Variants in NALF1 observed in about 807,000 individuals in gnomAD.
NALF1 encodes the protein family with sequence similarity 155 member A.
Under a neutral mutation model 48.4 loss-of-function variants are expected in NALF1, and 3 were observed. The ratio of observed to expected loss-of-function variants is 0.06; its 90% CI spans 0.03 to 0.16. NALF1 has a LOEUF of 0.16. Ranked by LOEUF, NALF1 falls within the 10% of genes least tolerant of loss-of-function variation. The probability of loss-of-function intolerance (pLI) is 1.00; values close to 1 mark genes in which losing one functional copy is unlikely to be tolerated. For synonymous variants in NALF1, 262 were observed against 245.7 expected, an observed-to-expected ratio of 1.07 and a Z score of -0.62; for missense variants, 526 against 571.5, an observed-to-expected ratio of 0.92 and a Z score of 0.81.
At chr13:107,432,801 A>C (rs1321042564) in intron 1 of NALF1, among the ~76,000 whole-genome samples, 1 of 152,132 alleles carries the variant, frequency 6.6e-6, no homozygotes, top group African/African-American at 2.4e-5. Context: ...AATTTCAATA[A>C]TTTGCCCATT....
chr13:107,851,061 A>G (rs1210908296), intron 1 of NALF1, among the ~76,000 whole-genome samples: 1 of 152,196 alleles, frequency 6.6e-6, no homozygotes, highest in Non-Finnish European at 1.5e-5. Context: ...TGTAGTGTGT[A>G]GTAAAGGAAA....
At chr13:107,646,530 C>T (rs1175450602) in intron 1 of NALF1, among the ~76,000 whole-genome samples, 1 of 152,066 alleles carries the variant, frequency 6.6e-6, no homozygotes, top group African/African-American at 2.4e-5. Context: ...GGTAAAACGA[C>T]CAGTGACTCA....
chr13:107,441,582 T>C (rs924580132), intron 1 of NALF1, among the ~76,000 whole-genome samples: 1 of 152,180 alleles, frequency 6.6e-6, no homozygotes. Context: ...AGTGGAAGGC[T>C]AGAAATTCCA....
At chr13:107,753,654 T>G (rs1437911295) in intron 1 of NALF1, among the ~76,000 whole-genome samples, 1 of 152,204 alleles carries the variant, frequency 6.6e-6, no homozygotes, top group Non-Finnish European at 1.5e-5. Context: ...CACAGAATAC[T>G]TTCTGCATGG....
At chr13:107,753,191 T>C (rs540757634) in intron 1 of NALF1, among the ~76,000 whole-genome samples, 1 of 152,334 alleles carries the variant, frequency 6.6e-6, no homozygotes, top group Admixed American at 6.5e-5. Flanking sequence ...TGTCCACTCA[T>C]CCACAGGCCT....
intron 2 of NALF1, among the ~76,000 whole-genome samples, chr13:107,200,526 TC>T (rs1490277675): frequency 2.0e-5 from 3 of 152,198 alleles, no homozygotes; most frequent in Admixed American, 1.3e-4. Flanking sequence ...CTTTCATCCG[TC>T]TCTACTTCTT....
intron 1 of NALF1, among the ~76,000 whole-genome samples, chr13:107,819,237 G>A (rs963894009): frequency 5.3e-5 from 8 of 152,094 alleles, no homozygotes; most frequent in Non-Finnish European, 1.2e-4. Context: ...TTTCATTAGA[G>A]CATAAGTAAT....
intron 2 of NALF1, among the ~76,000 whole-genome samples, chr13:107,208,389 A>G (rs1879687788): frequency 6.6e-6 from 1 of 152,206 alleles, no homozygotes; most frequent in Admixed American, 6.5e-5. Flanking sequence ...AAAACTGCAG[A>G]CTGGATTCTC....
At chr13:107,770,457 T>C (rs773757526) in intron 1 of NALF1, among the ~76,000 whole-genome samples, 5 of 152,190 alleles carry the variant, frequency 3.3e-5, no homozygotes, top group Non-Finnish European at 7.3e-5. Context: ...TCATAGAATA[T>C]AGAAATGTAA....
chr13:107,170,485 C>CT lies in NALF1; in HGVS notation c.*11dup. 6.3e-7 allele frequency: 1 copy of CT among 1,578,740 alleles called. No individual in the cohort carries two copies. Among genetic ancestry groups the CT allele is most frequent in the Non-Finnish European group, 8.6e-7 (1 of 1,161,250 alleles). On this transcript the variant is annotated 3_prime_UTR_variant, in exon 3 of 3. Transcript: ENST00000375915. ...CGGGCCAGCTGCTGCTGTGGTGACA[C>CT]TCGTCCTTCCGTTACTCCTCATTGG...
At chr13:107,552,765 G>A (rs1179458525) in intron 1 of NALF1, among the ~76,000 whole-genome samples, 2 of 152,130 alleles carry the variant, frequency 1.3e-5, no homozygotes, top group Non-Finnish European at 2.9e-5. Flanking sequence ...AGTGGTGCAA[G>A]TTTTTTATTG....
chr13:107,334,565 G>GA (rs1217016313), intron 1 of NALF1, among the ~76,000 whole-genome samples: 4 of 152,094 alleles, frequency 2.6e-5, no homozygotes, highest in Non-Finnish European at 5.9e-5. Context: ...TTTCAACAAT[G>GA]AAAAGTGAAA....
intron 1 of NALF1, among the ~76,000 whole-genome samples, chr13:107,783,548 G>A (rs1877984255): frequency 6.6e-6 from 1 of 152,166 alleles, no homozygotes; most frequent in African/African-American, 2.4e-5. Context: ...GGATCCTGTT[G>A]ATCTGTGACC....
At chr13:107,173,225 C>T in intron 2 of NALF1, among the ~76,000 whole-genome samples, 1 of 152,028 alleles carries the variant, frequency 6.6e-6, no homozygotes, top group African/African-American at 2.4e-5. Context: ...CTGTAGATTC[C>T]CCTCAGGAAG....
At position 107,449,009 on chromosome 13, in the gene NALF1, C is replaced by T. The variant is rs574577905; in HGVS notation, c.916-238254G>A. The stretch of plus-strand genomic sequence containing the variant: ...CTGTAATCCCAGCACTTTGGGAGGC[C>T]GAGGCGGGCGGATCAAATGAGGTCA... On this transcript the variant is annotated intron_variant, in intron 1 of 2. Transcript: ENST00000375915. Among the ~76,000 whole-genome samples, 8 of 152,156 alleles carry T rather than the reference C, an allele frequency of 5.3e-5. No individual in the cohort carries two copies. In the East Asian group the frequency reaches 7.8e-4, roughly 15 times the overall value.
At chr13:107,845,253 A>C (rs1594310455) in intron 1 of NALF1, among the ~76,000 whole-genome samples, 1 of 152,316 alleles carries the variant, frequency 6.6e-6, no homozygotes, top group Non-Finnish European at 1.5e-5. Flanking sequence ...TCTCCATCAA[A>C]CATCAGTGTA....
chr13:107,679,860 T>G (rs1881232421), intron 1 of NALF1, among the ~76,000 whole-genome samples: 1 of 152,238 alleles, frequency 6.6e-6, no homozygotes, highest in Non-Finnish European at 1.5e-5. Flanking sequence ...TCTTAAAGCC[T>G]CAAAGCTCTG....
At chr13:107,531,760 G>A (rs912279) in intron 1 of NALF1, among the ~76,000 whole-genome samples, 2,552 of 151,778 alleles carry the variant, frequency 0.017, 82 homozygotes, top group African/African-American at 0.058. Flanking sequence ...ACTGGAATAC[G>A]TGTTGCAAGT....
intron 2 of NALF1, among the ~76,000 whole-genome samples, chr13:107,171,234 C>T (rs890594396): frequency 2.0e-5 from 3 of 152,218 alleles, no homozygotes; most frequent in African/African-American, 7.2e-5. Flanking sequence ...ACCATGTTAT[C>T]ATCGTTTCCT....
Sources: allele counts gnomAD v4.1 joint callset (sites outside exome capture counted in the v4.1 genomes callset), GRCh38; gene constraint gnomAD v4.1.1; transcripts MANE v1.5; gene names NCBI Gene and HGNC (gene_info 2026-07-23, HGNC 2026-07-21).